SNX2: variants seen among roughly 807,000 people sequenced by gnomAD.
The protein encoded by SNX2 is sorting nexin 2.
Under a neutral mutation model 69.9 loss-of-function variants are expected in SNX2, and 25 were observed. The observed-to-expected ratio is 0.36, with a 90% CI of 0.26 to 0.50. The LOEUF (loss-of-function observed/expected upper bound fraction) is 0.50, where lower values mean the gene tolerates loss of function less well. SNX2 is among the 20% of genes least tolerant of loss of function. SNX2 has a pLI of 0.97. For synonymous variants in SNX2, 229 were observed against 200.4 expected (o/e 1.14, Z -1.20); for missense variants, 551 against 613.3 (o/e 0.90, Z 1.07).
Position 122,798,738 on chromosome 5 carries a change from C to T in SNX2, c.227-954C>T, listed in dbSNP as rs761020748. 3.3e-5 allele frequency among the ~76,000 whole-genome samples: 5 copies of T among 152,198 alleles called. No homozygotes were observed. The South Asian group carries it at 1.0e-3, about 32-fold the overall frequency. The stretch of plus-strand genomic sequence containing the variant: ...TCTGCTTTTTGCATATGCTATTATT[C>T]CATTATCATGGAATTCTTTCTTCAT... On this transcript the variant is annotated intron_variant, in intron 2 of 14. Transcript: ENST00000379516.
intron 3 of SNX2, among the ~76,000 whole-genome samples, chr5:122,801,440 A>T (rs1158759401): frequency 6.6e-6 from 1 of 151,988 alleles, no homozygotes; most frequent in Non-Finnish European, 1.5e-5. Context: ...CCCCGTCTCT[A>T]GTAAAAATAC....
chr5:122,778,703 C>T (rs879383691), intron 1 of SNX2, among the ~76,000 whole-genome samples: 3 of 152,010 alleles, frequency 2.0e-5, no homozygotes, highest in Non-Finnish European at 4.4e-5. Context: ...ATTCTGACTG[C>T]AGTCAGATAA....
At chr5:122,824,765 C>T (rs1222975578) in intron 11 of SNX2, among the ~76,000 whole-genome samples, 4 of 152,116 alleles carry the variant, frequency 2.6e-5, no homozygotes, top group Admixed American at 2.6e-4. Context: ...ACTAACCTAT[C>T]CTTTGCACTT....
Position 122,794,940 on chromosome 5 carries a change from T to C in SNX2, c.109-326T>C, listed in dbSNP as rs192627132. Among the ~76,000 whole-genome samples the C allele has an allele frequency of 3.7e-3, 559 of 152,232 alleles. 4 individuals are homozygous for C. Among genetic ancestry groups the C allele is most frequent in the African/African-American group, 0.012 (516 of 41,550 alleles). On this transcript the variant is annotated intron_variant, in intron 1 of 14. Coordinates refer to ENST00000379516, the MANE Select transcript of SNX2 (RefSeq NM_003100.4). ...CTGGAGGCTGAGGTGGAAGGATCAT[T>C]TGAGCCTGGGAGGTCAAGGCTGCAG... is the stretch of plus-strand genomic sequence containing the variant.
chr5:122,782,226 T>C (rs1305917412), intron 1 of SNX2, among the ~76,000 whole-genome samples: 1 of 152,150 alleles, frequency 6.6e-6, no homozygotes, highest in Non-Finnish European at 1.5e-5. Flanking sequence ...CTTTTACATC[T>C]TTTGCTTATT....
chr5:122,776,656 A>G (rs1374917189), intron 1 of SNX2, among the ~76,000 whole-genome samples: 1 of 152,178 alleles, frequency 6.6e-6, no homozygotes, highest in Non-Finnish European at 1.5e-5. Flanking sequence ...ATGTGTTGAA[A>G]GTGTCTGCAG....
chr5:122,828,309 TATG>T (rs553792723), intron 14 of SNX2, among the ~76,000 whole-genome samples: 139 of 152,280 alleles, frequency 9.1e-4, no homozygotes, highest in African/African-American at 3.2e-3. Context: ...AATTAAGTGG[TATG>T]ATGTCTTCAA....
At chr5:122,821,512 G>C (rs1754023164) in intron 11 of SNX2, among the ~76,000 whole-genome samples, 1 of 150,924 alleles carries the variant, frequency 6.6e-6, no homozygotes, top group South Asian at 2.1e-4. Context: ...CTGGAGTGCA[G>C]TGGCGTGATT....
intron 10 of SNX2, 36 bp from the exon 11 acceptor site, chr5:122,818,782 G>C: frequency 6.4e-7 from 1 of 1,554,888 alleles, no homozygotes; most frequent in East Asian, 2.3e-5. Context: ...TTTTATGAGT[G>C]AACACTAAAA....
chr5:122,825,734 C>T (rs1383009794), intron 11 of SNX2, among the ~76,000 whole-genome samples: 1 of 152,054 alleles, frequency 6.6e-6, no homozygotes, highest in Non-Finnish European at 1.5e-5. Flanking sequence ...CTATTAAAGA[C>T]ATCTTCAAAG....
At chr5:122,815,786 C>T (rs75816154) in intron 7 of SNX2, 110 bp from the exon 8 acceptor site, 7,952 of 517,426 alleles carry the variant, frequency 0.015, 74 homozygotes, top group Non-Finnish European at 0.018. Flanking sequence ...TAGTCTAATA[C>T]GAGGTAGTGA....
intron 11 of SNX2, among the ~76,000 whole-genome samples, chr5:122,823,843 T>A (rs899842183): frequency 3.3e-5 from 5 of 151,316 alleles, no homozygotes; most frequent in African/African-American, 4.9e-5. Flanking sequence ...TTGTTTGTGT[T>A]AAGCTTTCCA....
chr5:122,795,658 A>G (rs2305988), intron 2 of SNX2: 10,945 of 254,846 alleles, frequency 0.043, 359 homozygotes, highest in East Asian at 0.1. Flanking sequence ...CAAAAGACTA[A>G]TCATTGTGAT....
intron 7 of SNX2, among the ~76,000 whole-genome samples, chr5:122,811,957 A>C (rs1042021113): frequency 3.3e-5 from 5 of 152,294 alleles, no homozygotes; most frequent in African/African-American, 9.6e-5. Context: ...TTTCAAATCA[A>C]AGAGTTTGGA....
At chr5:122,788,573 G>C (rs1002919750) in intron 1 of SNX2, among the ~76,000 whole-genome samples, 3 of 151,998 alleles carry the variant, frequency 2.0e-5, no homozygotes, top group Admixed American at 2.0e-4. Context: ...AGTTATCTTT[G>C]TTATTCAGAT....
chr5:122,810,174 G>A (rs1450601351), intron 7 of SNX2, among the ~76,000 whole-genome samples: 1 of 150,806 alleles, frequency 6.6e-6, no homozygotes, highest in African/African-American at 2.5e-5. Context: ...GGTGCAAGAT[G>A]TGCTTTGTTA....
In SNX2 at chr5:122,793,302, A is replaced by G. The variant is rs1482647566; in HGVS notation, c.109-1964A>G. 3.9e-5 allele frequency among the ~76,000 whole-genome samples: 6 copies of G among 152,212 alleles called. No homozygotes were observed. The East Asian group carries it at 1.2e-3, about 29-fold the overall frequency. Reference sequence around the variant, plus strand: ...ATACACTTATGATAATGAGTGGTCTACTACTACACAGAACAATATGGAAGA... The same window carrying G: ...ATACACTTATGATAATGAGTGGTCTGCTACTACACAGAACAATATGGAAGA... On this transcript the variant is annotated intron_variant, in intron 1 of 14. Coordinates refer to ENST00000379516, the MANE Select transcript of SNX2 (RefSeq NM_003100.4).
In SNX2 at chr5:122,829,948, C is replaced by T; in HGVS notation, c.*300C>T. The stretch of plus-strand genomic sequence containing the variant: ...TGCACTAAATAGTGCACTGCAAGAC[C>T]AGAAAATTTTACAATATTTTTTCTT... On this transcript the variant is annotated 3_prime_UTR_variant, in exon 15 of 15. Transcript: ENST00000379516. 3.1e-6 allele frequency: 1 copy of T among 327,280 alleles called. No individual in the cohort carries two copies. Among genetic ancestry groups the T allele is most frequent in the South Asian group, 5.4e-5 (1 of 18,458 alleles). 20.3% of individuals were successfully genotyped at this position (327,280 alleles called of 1,614,324 possible). A position where few individuals can be genotyped will look rare whatever the true frequency, so the allele number is the denominator to read the frequency against.
chr5:122,803,575 G>T lies in SNX2; in HGVS notation c.605G>T (p.Gly202Val), dbSNP rs752884971. The T allele has an allele frequency of 6.2e-7, 1 of 1,610,890 alleles. No homozygotes were observed. The highest frequency in any genetic ancestry group is 1.1e-5 in the South Asian group (1 of 90,034). The change falls in exon 6 of 15, where the codon GGT (glycine) becomes GTT (valine). Residue 202 changes from glycine (G) to valine (V), a missense_variant. Transcript: ENST00000379516. Reference sequence around the variant, plus strand: ...TTAGCAAGCAAATATTTACATGTTGGTTATATTGTGCCACCAGCTCCAGAA... The same window carrying T: ...TTAGCAAGCAAATATTTACATGTTGTTTATATTGTGCCACCAGCTCCAGAA... Reference protein sequence around the residue: ...SKLASKYLHVGYIVPPAPEKS... With the variant: ...SKLASKYLHVVYIVPPAPEKS...
Sources: gnomAD v4.1 joint callset for allele counts (sites outside exome capture counted in the v4.1 genomes callset) on GRCh38, gnomAD v4.1.1 for gene constraint, MANE v1.5 for transcripts, NCBI Gene and HGNC (gene_info 2026-07-23, HGNC 2026-07-21) for gene names.